Variants in KDM5A observed in about 807,000 individuals in gnomAD.
KDM5A encodes the protein lysine-specific demethylase 5A.
Under a neutral mutation model 193.5 loss-of-function variants are expected in KDM5A, and 42 were observed. The ratio of observed to expected loss-of-function variants is 0.22; its 90% confidence interval spans 0.17 to 0.28. The LOEUF is 0.28. KDM5A is among the 10% of genes least tolerant of loss of function. KDM5A has a pLI of 1.00. For synonymous variants in KDM5A, 796 were observed against 718.1 expected, an observed-to-expected ratio of 1.11 and a Z score of -1.73; for missense variants, 1,692 against 2,055.1, an observed-to-expected ratio of 0.82 and a Z score of 3.42.
intron 27 of KDM5A, among the ~76,000 whole-genome samples, chr12:288,375 G>A (rs1943247843): frequency 6.6e-6 from 1 of 152,062 alleles, no homozygotes; most frequent in Non-Finnish European, 1.5e-5. Flanking sequence ...GCTATGAACT[G>A]TTCAAATATT....
intron 14 of KDM5A, among the ~76,000 whole-genome samples, chr12:326,713 T>G (rs1413889313): frequency 6.6e-6 from 1 of 151,794 alleles, no homozygotes; most frequent in Non-Finnish European, 1.5e-5. Flanking sequence ...TACAAAAAAT[T>G]AGCCGGGCGT....
At chr12:384,669 AC>A (rs1220726119) in intron 2 of KDM5A, among the ~76,000 whole-genome samples, 3 of 152,022 alleles carry the variant, frequency 2.0e-5, no homozygotes, top group Admixed American at 2.0e-4. Context: ...CAAAAAAGTT[AC>A]TCTGATTTAT....
rs757557999 is a variant in KDM5A, at chr12:355,111, T to C, written c.870+47A>G. On this transcript the variant is annotated intron_variant, in intron 7 of 27. Coordinates refer to ENST00000399788, the MANE Select transcript of KDM5A (RefSeq NM_001042603.3). Reference sequence around the variant, plus strand: ...TATCAGGATAGAAAGTGCAAAACTATAATAAAAATAAATCCTTTCCCTCCT... The same window carrying C: ...TATCAGGATAGAAAGTGCAAAACTACAATAAAAATAAATCCTTTCCCTCCT... 1.0e-4 allele frequency: 117 copies of C among 1,171,712 alleles called. No individual in the cohort carries two copies. In the Admixed American group the frequency reaches 2.0e-3, roughly 20 times the overall value. The allele number at this position is 1,171,712 out of a possible 1,614,324, so 72.6% of individuals were successfully genotyped here.
chr12:289,930 T>TA (rs1180497855), intron 27 of KDM5A, among the ~76,000 whole-genome samples: 30 of 130,740 alleles, frequency 2.3e-4, no homozygotes, highest in African/African-American at 5.3e-4. Flanking sequence ...TTTTTTTTTT[T>TA]ACATCATCTT....
chr12:353,960 A>C (rs1236125549), intron 8 of KDM5A, 116 bp downstream of exon 8: 2 of 862,486 alleles, frequency 2.3e-6, no homozygotes, highest in Middle Eastern at 2.8e-4. Flanking sequence ...TAAACACTAC[A>C]TAATGAAGAC....
intron 1 of KDM5A, among the ~76,000 whole-genome samples, chr12:387,644 G>T (rs1474968901): frequency 6.6e-6 from 1 of 152,110 alleles, no homozygotes. Context: ...CAGAAAAACT[G>T]ATCTAGGTTC....
At position 342,545 on chromosome 12, in the gene KDM5A, C is replaced by T. The variant is rs187039886; in HGVS notation, c.1308+8076G>A. On this transcript the variant is annotated intron_variant, in intron 10 of 27. Transcript: ENST00000399788. ...CATGATCTCGGCTCACTGCAACCTC[C>T]GCCTCCCACGTTCAAGTGATTCTCC... 3.0e-3 allele frequency among the ~76,000 whole-genome samples: 462 copies of T among 152,050 alleles called. 1 individual carries two copies. The highest frequency in any genetic ancestry group is 0.01 in the African/African-American group (431 of 41,476).
rs1363460717 is a variant in KDM5A at position 362,467 on chromosome 12, GT to G, written c.672+495del. The stretch of plus-strand genomic sequence containing the variant: ...CAGACACTAAGAAATTTATACTCTG[GT>G]TTTTAAAGGAATGGCAGGTGAAAAA... On this transcript the variant is annotated intron_variant, in intron 5 of 27. Transcript: ENST00000399788. Among the ~76,000 whole-genome samples, 7 of 152,242 alleles carry G rather than the reference GT, an allele frequency of 4.6e-5. No individual in the cohort carries two copies. The South Asian group carries it at 1.4e-3, about 32-fold the overall frequency.
At chr12:314,200 A>C (rs1943622911) in intron 19 of KDM5A, among the ~76,000 whole-genome samples, 1 of 150,342 alleles carries the variant, frequency 6.7e-6, no homozygotes, top group Non-Finnish European at 1.5e-5. Context: ...GCCTCATGAA[A>C]CCTTTCATTT....
At chr12:380,294 A>T (rs908852142) in intron 3 of KDM5A, among the ~76,000 whole-genome samples, 1 of 151,992 alleles carries the variant, frequency 6.6e-6, no homozygotes, top group African/African-American at 2.4e-5. Flanking sequence ...TTAACTTACC[A>T]TCAGATTAAA....
At chr12:311,571 T>C (rs1318383927) in intron 20 of KDM5A, among the ~76,000 whole-genome samples, 1 of 152,122 alleles carries the variant, frequency 6.6e-6, no homozygotes, top group African/African-American at 2.4e-5. Context: ...AAACAGCCAA[T>C]TAAAGATTCT....
At chr12:349,658 A>C (rs374140920) in intron 10 of KDM5A, among the ~76,000 whole-genome samples, 3 of 151,916 alleles carry the variant, frequency 2.0e-5, no homozygotes, top group African/African-American at 7.2e-5. Flanking sequence ...ACTAGGCAAA[A>C]ATATTAAACT....
chr12:345,901 A>G (rs1161182698), intron 10 of KDM5A, among the ~76,000 whole-genome samples: 2 of 152,318 alleles, frequency 1.3e-5, no homozygotes, highest in Admixed American at 6.5e-5. Context: ...GCAGAAGGCA[A>G]GAAATAACTA....
intron 19 of KDM5A, 41 bp from the exon 20 acceptor site, chr12:313,235 CA>C (rs1175933003): frequency 6.2e-7 from 1 of 1,607,716 alleles, no homozygotes; most frequent in South Asian, 1.1e-5. Flanking sequence ...CATGAGAAAT[CA>C]ACATTTAAGT....
chr12:364,646 G>C (rs369898250), intron 4 of KDM5A, among the ~76,000 whole-genome samples: 1 of 151,384 alleles, frequency 6.6e-6, no homozygotes, highest in Non-Finnish European at 1.5e-5. Context: ...TTCTGTGGGC[G>C]TGGTGGTGGG....
intron 7 of KDM5A, among the ~76,000 whole-genome samples, chr12:354,713 G>C (rs1944209722): frequency 1.3e-5 from 2 of 151,908 alleles, no homozygotes; most frequent in Admixed American, 6.6e-5. Flanking sequence ...CTTGCAGTGA[G>C]CCGAGATCGC....
chr12:307,193 C>T lies in KDM5A; in HGVS notation c.3931-104G>A. The T allele has an allele frequency of 7.4e-7, 1 of 1,347,812 alleles. No individual in the cohort carries two copies. The highest frequency in any genetic ancestry group is 1.1e-6 in the Non-Finnish European group (1 of 949,918). The allele number at this position is 1,347,812 out of a possible 1,614,324, so 83.5% of individuals were successfully genotyped here. A position where few individuals can be genotyped will look rare whatever the true frequency, so the allele number is the denominator to read the frequency against. ...AAAATGTAATGAATAAGCAAAGTGG[C>T]TAACAGAGTTCTTCAACAGTTAGTA... On this transcript the variant is annotated intron_variant, in intron 23 of 27. Coordinates refer to ENST00000399788, the MANE Select transcript of KDM5A (RefSeq NM_001042603.3). This position sits in a 1 kb window ranked among gnomAD's most constrained non-coding sequence, Gnocchi z 4.3.
At chr12:300,279 G>T (rs1413811577) in intron 24 of KDM5A, among the ~76,000 whole-genome samples, 3 of 152,004 alleles carry the variant, frequency 2.0e-5, no homozygotes, top group African/African-American at 7.3e-5. Flanking sequence ...CCCCATAATT[G>T]GAAGTAAAAC....
At chr12:308,714 T>C (rs1943544425) in intron 22 of KDM5A, among the ~76,000 whole-genome samples, 1 of 152,262 alleles carries the variant, frequency 6.6e-6, no homozygotes, top group Non-Finnish European at 1.5e-5. Context: ...CCTACTTGTC[T>C]AGCAAGATTG....
Sources: allele counts gnomAD v4.1 joint callset (sites outside exome capture counted in the v4.1 genomes callset), GRCh38; gene constraint gnomAD v4.1.1; non-coding constraint Gnocchi (gnomAD v3.1); transcripts MANE v1.5; gene names NCBI Gene and HGNC (gene_info 2026-07-23, HGNC 2026-07-21).